The following SGCD variants were observed in gnomAD, a reference collection of about 807,000 sequenced individuals.
The protein encoded by SGCD is sarcoglycan delta, also known as delta-sarcoglycan.
Under a neutral mutation model 36.6 loss-of-function variants are expected in SGCD, and 18 were observed. The ratio of observed to expected loss-of-function variants is 0.49; its 90% CI spans 0.34 to 0.73. The LOEUF (loss-of-function observed/expected upper bound fraction) is 0.73, where lower values mean the gene tolerates loss of function less well. Among genes scored for constraint, SGCD ranks in the 30% least tolerant of loss-of-function variants. SGCD has a pLI of 0.01. For synonymous variants in SGCD, 133 were observed against 130.6 expected (o/e 1.02, Z -0.12); for missense variants, 387 against 346.7 (o/e 1.12, Z -0.92).
intron 1 of SGCD, among the ~76,000 whole-genome samples, chr5:155,879,315 G>A (rs1287228949): frequency 2.0e-5 from 3 of 152,068 alleles, no homozygotes; most frequent in South Asian, 2.1e-4. Flanking sequence ...CATTTTGTAC[G>A]CTAGAGTGAT....
chr5:155,869,689 T>C (rs553448280), upstream of SGCD, among the ~76,000 whole-genome samples: 3 of 152,150 alleles, frequency 2.0e-5, no homozygotes, highest in Admixed American at 2.0e-4. Context: ...TGTTCTCATC[T>C]GTACAAAAGA....
At chr5:155,980,712 G>A (rs1011505454) in intron 1 of SGCD, among the ~76,000 whole-genome samples, 7 of 144,676 alleles carry the variant, frequency 4.8e-5, no homozygotes, top group South Asian at 2.2e-4. Flanking sequence ...CTTTGTTTTG[G>A]TAACTCCTTT....
intron 3 of SGCD, among the ~76,000 whole-genome samples, chr5:156,150,908 C>T (rs1432649911): frequency 1.3e-5 from 2 of 151,596 alleles, no homozygotes; most frequent in African/African-American, 4.9e-5. Flanking sequence ...AATACATAGT[C>T]ATGTGGCCTG....
intron 3 of SGCD, among the ~76,000 whole-genome samples, chr5:156,360,607 A>G (rs4389675): frequency 0.012 from 1,881 of 151,886 alleles, 44 homozygotes; most frequent in African/African-American, 0.043. Context: ...TCACAACCCA[A>G]TCAGCACACA....
At chr5:156,236,917 A>G (rs192881680) in intron 3 of SGCD, among the ~76,000 whole-genome samples, 5 of 149,440 alleles carry the variant, frequency 3.3e-5, no homozygotes, top group African/African-American at 4.9e-5. Flanking sequence ...CACTGCAATA[A>G]TCACCTCCCA....
chr5:156,019,868 A>G (rs1561684641), intron 1 of SGCD, among the ~76,000 whole-genome samples: 1 of 152,182 alleles, frequency 6.6e-6, no homozygotes, highest in African/African-American at 2.4e-5. Context: ...CCAGATGCCT[A>G]GAGTTAGCAT....
intron 7 of SGCD, among the ~76,000 whole-genome samples, chr5:156,685,928 T>TG (rs1173995378): frequency 6.6e-6 from 1 of 151,518 alleles, no homozygotes; most frequent in African/African-American, 2.4e-5. Context: ...GGGTGGAGGG[T>TG]GGGAGGAGGG....
At chr5:155,932,587 G>T (rs895742479) in intron 1 of SGCD, among the ~76,000 whole-genome samples, 1 of 152,144 alleles carries the variant, frequency 6.6e-6, no homozygotes, top group African/African-American at 2.4e-5. Context: ...AGCTATTGTT[G>T]TAACACAATT....
intron 3 of SGCD, among the ~76,000 whole-genome samples, chr5:156,179,666 G>A (rs1266819871): frequency 6.9e-6 from 1 of 145,814 alleles, no homozygotes; most frequent in Non-Finnish European, 1.5e-5. Context: ...CTATTGCCCA[G>A]GCTGGAGTGC....
chr5:156,498,567 A>C (rs1472009826), intron 3 of SGCD, among the ~76,000 whole-genome samples: 2 of 152,074 alleles, frequency 1.3e-5, no homozygotes, highest in Non-Finnish European at 2.9e-5. Context: ...ATAATTTTTG[A>C]GGTTTGTCCA....
intron 1 of SGCD, among the ~76,000 whole-genome samples, chr5:155,926,869 A>C (rs1757006449): frequency 6.6e-6 from 1 of 152,224 alleles, no homozygotes; most frequent in Admixed American, 6.5e-5. Context: ...ATCCCAATCA[A>C]AAAAAGCAGC....
intron 3 of SGCD, among the ~76,000 whole-genome samples, chr5:156,163,521 A>G (rs934614093): frequency 6.6e-6 from 1 of 151,616 alleles, no homozygotes; most frequent in Non-Finnish European, 1.5e-5. Context: ...CTAGTAAACC[A>G]GACCTGTTTG....
rs995881745 is a variant in SGCD at position 156,057,455 on chromosome 5, A to C, written c.-281-60423A>C. The stretch of plus-strand genomic sequence containing the variant: ...GTGATAGATGAGTTTAAATAAAATC[A>C]TGACCTGAATTTGATTTGTAAATAT... On this transcript the variant is annotated intron_variant, in intron 1 of 9. Coordinates refer to the SGCD transcript ENST00000517913. 8.2e-5 allele frequency among the ~76,000 whole-genome samples: 12 copies of C among 146,850 alleles called. 2 individuals are homozygous for C. The highest frequency in any genetic ancestry group is 2.9e-4 in the African/African-American group (12 of 40,786).
chr5:156,291,300 T>G (rs1766750661), intron 3 of SGCD, among the ~76,000 whole-genome samples: 2 of 152,072 alleles, frequency 1.3e-5, no homozygotes, highest in Admixed American at 1.3e-4. Flanking sequence ...GTGATCGACA[T>G]CCCAAATACC....
At chr5:155,890,863 G>A (rs1004487661) in intron 1 of SGCD, among the ~76,000 whole-genome samples, 5 of 152,080 alleles carry the variant, frequency 3.3e-5, no homozygotes, top group African/African-American at 1.2e-4. Context: ...TGGGGTGGTG[G>A]TGGTGGGAGA....
chr5:156,229,277 CATATATATATATATATAT>C (rs570200528), intron 3 of SGCD, among the ~76,000 whole-genome samples: 2 of 56,502 alleles, frequency 3.5e-5, no homozygotes, highest in African/African-American at 1.6e-4. Flanking sequence ...TATATACATA[CATATATATATATATATAT>C]ATATAAAATT....
chr5:156,387,769 G>T (rs1024438077), intron 3 of SGCD, among the ~76,000 whole-genome samples: 2 of 152,126 alleles, frequency 1.3e-5, no homozygotes, highest in East Asian at 3.9e-4. Flanking sequence ...CTTATTTAGG[G>T]GAATGTGCAT....
intron 1 of SGCD, among the ~76,000 whole-genome samples, chr5:156,029,585 T>C (rs1759298790): frequency 6.6e-6 from 1 of 152,214 alleles, no homozygotes. Flanking sequence ...CATATTCGGC[T>C]GCCAATTCAA....
chr5:156,101,215 C>T (rs1368320), intron 1 of SGCD, among the ~76,000 whole-genome samples: 70,802 of 152,010 alleles, frequency 0.47, 18,676 homozygotes, highest in African/African-American at 0.73. Context: ...TGTAGTTTGA[C>T]TGTGACAGAG....
Sources: allele counts gnomAD v4.1 joint callset (sites outside exome capture counted in the v4.1 genomes callset), GRCh38; gene constraint gnomAD v4.1.1; transcripts MANE v1.5; gene names NCBI Gene and HGNC (gene_info 2026-07-23, HGNC 2026-07-21).